The following DNAH9 variants were observed in gnomAD, a reference collection of about 807,000 sequenced individuals.
The protein encoded by DNAH9 is dynein axonemal heavy chain 9, also known as DNAH9 variant protein.
A neutral mutation model predicts 471.6 loss-of-function variants in DNAH9; 345 were observed. The ratio of observed to expected loss-of-function variants is 0.73; its 90% confidence interval spans 0.67 to 0.80. The LOEUF is 0.80. Among genes scored for constraint, DNAH9 ranks in the 30% least tolerant of loss-of-function variants. The probability of loss-of-function intolerance (pLI) is 0.00; values close to 1 mark genes in which losing one functional copy is unlikely to be tolerated. For missense variants in DNAH9, 5,407 were observed against 5,609.2 expected (o/e 0.96, Z 1.15); for synonymous variants, 2,093 against 2,123.6 (o/e 0.99, Z 0.40).
At chr17:11,795,073 T>TG (rs1555596552) in intron 42 of DNAH9, among the ~76,000 whole-genome samples, 3 of 151,642 alleles carry the variant, frequency 2.0e-5, no homozygotes, top group Non-Finnish European at 4.4e-5. Context: ...TAAAGTATAA[T>TG]AAAAAAATAC....
chr17:11,747,447 C>G, intron 31 of DNAH9, 109 bp from the exon 32 acceptor site: 3 of 786,220 alleles, frequency 3.8e-6, no homozygotes, highest in Non-Finnish European at 6.5e-6. Context: ...AACTCTTCCT[C>G]TGTTGACTTC....
chr17:11,778,703 C>T (rs947465494), intron 38 of DNAH9, among the ~76,000 whole-genome samples: 7 of 152,014 alleles, frequency 4.6e-5, no homozygotes, highest in Non-Finnish European at 8.8e-5. Context: ...AAATGGGAAG[C>T]CACTTTGAAA....
chr17:11,898,444 CA>C (rs1327777638), intron 59 of DNAH9, among the ~76,000 whole-genome samples: 1 of 152,144 alleles, frequency 6.6e-6, no homozygotes, highest in African/African-American at 2.4e-5. Flanking sequence ...ATAAGGCCAC[CA>C]GTCATAATAG....
rs1253794533 is a variant in DNAH9 at position 11,843,863 on chromosome 17, G to GTGTGTGTATATA, written c.9507+8966_9507+8967insGTGTGTATATAT. 3.7e-3 allele frequency among the ~76,000 whole-genome samples: 173 copies of GTGTGTGTATATA among 46,470 alleles called. 1 individual carries two copies. The highest frequency in any genetic ancestry group is 6.1e-3 in the Non-Finnish European group (148 of 24,462). The allele number at this position is 46,470 out of a possible 152,430, so 30.5% of individuals were successfully genotyped here. On this transcript the variant is annotated intron_variant, in intron 49 of 68. Coordinates refer to ENST00000262442, the MANE Select transcript of DNAH9 (RefSeq NM_001372.4). ...TGTTTGTGTGTGTGTGTGTGTGTGTGTATATATATATATATATATATATAT... is the reference window on the plus strand; with the variant it reads ...TGTTTGTGTGTGTGTGTGTGTGTGTGTGTGTGTATATATATATATATATATATATATATATAT...
At chr17:11,643,790 A>G (rs963053522) in intron 10 of DNAH9, among the ~76,000 whole-genome samples, 2 of 152,176 alleles carry the variant, frequency 1.3e-5, no homozygotes, top group Admixed American at 6.5e-5. Context: ...AATACACTCT[A>G]TGGTCCAGTG....
intron 61 of DNAH9, among the ~76,000 whole-genome samples, chr17:11,915,267 T>G (rs778276193): frequency 7.9e-5 from 12 of 152,144 alleles, no homozygotes; most frequent in Admixed American, 3.3e-4. Context: ...GGCTCACGCC[T>G]GTAATCCCAG....
chr17:11,905,106 C>T lies in DNAH9; in HGVS notation c.11601-555C>T, dbSNP rs191024078. 3.8e-4 allele frequency among the ~76,000 whole-genome samples: 58 copies of T among 151,898 alleles called. No individual in the cohort carries two copies. In the East Asian group the frequency reaches 7.4e-3, roughly 19 times the overall value. ...AAAATTAGCTGGGCGTGGTGGCAGG[C>T]GCCTGTAGTCCCAGCTACTCGGGAG... On this transcript the variant is annotated intron_variant, in intron 60 of 68. Coordinates refer to ENST00000262442, the MANE Select transcript of DNAH9 (RefSeq NM_001372.4).
At chr17:11,836,803 T>C (rs1393338068) in intron 49 of DNAH9, among the ~76,000 whole-genome samples, 2 of 152,252 alleles carry the variant, frequency 1.3e-5, no homozygotes, top group African/African-American at 4.8e-5. Flanking sequence ...TCATGTCTTG[T>C]TCACTGATCA....
chr17:11,791,066 G>A (rs1567804825), intron 41 of DNAH9, among the ~76,000 whole-genome samples: 2 of 151,902 alleles, frequency 1.3e-5, no homozygotes, highest in African/African-American at 4.8e-5. Flanking sequence ...GTACATTCCT[G>A]TTCTTTCACC....
At chr17:11,882,189 G>T (rs1972751159) in intron 55 of DNAH9, among the ~76,000 whole-genome samples, 1 of 152,168 alleles carries the variant, frequency 6.6e-6, no homozygotes, top group Admixed American at 6.5e-5. Context: ...TTGGTTTTTG[G>T]TGAGGCCTCT....
rs200109759 is a variant in DNAH9, at chr17:11,608,259, A to G, written c.548A>G (p.Lys183Arg). The change falls in exon 2 of 69, where the codon AAA (lysine) becomes AGA (arginine). Residue 183 changes from lysine (K) to arginine (R), a missense_variant. Physicochemically the swap from Lys to Arg is conservative, Grantham distance 26. Coordinates refer to ENST00000262442, the MANE Select transcript of DNAH9 (RefSeq NM_001372.4). ...GTTATACTTGAGCAAGTGAAGGGAA[A>G]AACTTTGCTGCCTCTTCCAGCAGGC... ...LSVILEQVKG[K>R]TLLPLPAGSE... is the part of the protein sequence containing the mutation. The G allele has an allele frequency of 2.5e-6, 4 of 1,613,984 alleles. No homozygotes were observed. Among genetic ancestry groups the G allele is most frequent in the African/African-American group, 2.7e-5 (2 of 75,070 alleles).
intron 43 of DNAH9, among the ~76,000 whole-genome samples, chr17:11,801,295 G>T (rs1969448819): frequency 6.6e-6 from 1 of 152,100 alleles, no homozygotes; most frequent in Non-Finnish European, 1.5e-5. Context: ...CCCCTAATCT[G>T]ATGTGAGCTC....
At chr17:11,811,244 C>T (rs957104522) in intron 45 of DNAH9, among the ~76,000 whole-genome samples, 9 of 151,690 alleles carry the variant, frequency 5.9e-5, no homozygotes, top group Non-Finnish European at 1.0e-4. Context: ...ACCTGGAAGG[C>T]GGAGGTTGCA....
Position 11,886,767 on chromosome 17 carries a change from G to A in DNAH9, c.10972-58G>A. ...TCTACTCACACAGAGGGGCCAAGTT[G>A]ATTCTCAGGAAGCCCAGGTTGGTTG... On this transcript the variant is annotated intron_variant, in intron 56 of 68. Transcript: ENST00000262442. 4.5e-6 allele frequency: 7 copies of A among 1,550,994 alleles called. No individual in the cohort carries two copies. The South Asian group carries it at 7.5e-5, about 17-fold the overall frequency.
chr17:11,939,806 A>G (rs1028838684), intron 66 of DNAH9, among the ~76,000 whole-genome samples: 2 of 96,094 alleles, frequency 2.1e-5, no homozygotes, highest in African/African-American at 7.9e-5. Context: ...CATGTTAGAT[A>G]CATGGATGGA....
At chr17:11,951,252 TA>T (rs954941137) in intron 67 of DNAH9, among the ~76,000 whole-genome samples, 10 of 152,234 alleles carry the variant, frequency 6.6e-5, no homozygotes, top group African/African-American at 2.4e-4. Flanking sequence ...CCTGTTTTTT[TA>T]AAAAATATCT....
At chr17:11,953,235 AGAAGTT>A (rs1215948022) in intron 67 of DNAH9, among the ~76,000 whole-genome samples, 1 of 152,130 alleles carries the variant, frequency 6.6e-6, no homozygotes, top group Admixed American at 6.5e-5. Context: ...CTGCCCACAG[AGAAGTT>A]GCTGCATTAG....
chr17:11,822,666 A>G, intron 47 of DNAH9, 67 bp downstream of exon 47: 3 of 1,599,426 alleles, frequency 1.9e-6, no homozygotes, highest in Non-Finnish European at 2.6e-6. Context: ...TTCCCTGTCC[A>G]GGATGTTAGG....
At chr17:11,917,536 A>G (rs1207181282) in intron 61 of DNAH9, among the ~76,000 whole-genome samples, 1 of 152,164 alleles carries the variant, frequency 6.6e-6, no homozygotes, top group Non-Finnish European at 1.5e-5. Flanking sequence ...AGCCTTTAAC[A>G]GAGCTTTCAC....
Sources: allele counts gnomAD v4.1 joint callset (sites outside exome capture counted in the v4.1 genomes callset), GRCh38; gene constraint gnomAD v4.1.1; transcripts MANE v1.5; gene names NCBI Gene and HGNC (gene_info 2026-07-23, HGNC 2026-07-21).